DLGAP2: variants seen among roughly 807,000 people sequenced by gnomAD.
DLGAP2 encodes the protein DLG associated protein 2.
A neutral mutation model predicts 100.3 loss-of-function variants in DLGAP2; 26 were observed. That is an observed-to-expected ratio of 0.26 (90% confidence interval 0.19 to 0.36). The LOEUF is 0.36. Ranked by LOEUF, DLGAP2 falls within the 10% of genes least tolerant of loss-of-function variation. DLGAP2 has a pLI of 1.00. For synonymous variants in DLGAP2, 886 were observed against 630.1 expected, an observed-to-expected ratio of 1.41 and a Z score of -6.08; for missense variants, 1,858 against 1,453.2, an observed-to-expected ratio of 1.28 and a Z score of -4.53.
intron 2 of DLGAP2, among the ~76,000 whole-genome samples, chr8:1,052,288 C>T (rs1802741752): frequency 6.6e-6 from 1 of 152,240 alleles, no homozygotes; most frequent in South Asian, 2.1e-4. Flanking sequence ...CTCCTTTCTA[C>T]AAACTCTGAG....
intron 3 of DLGAP2, among the ~76,000 whole-genome samples, chr8:1,322,619 G>A (rs1490578080): frequency 1.3e-5 from 2 of 152,282 alleles, no homozygotes; most frequent in East Asian, 1.9e-4. Context: ...GCTGTCTCCT[G>A]CCTCTGTGAT....
At chr8:1,134,610 A>C (rs1796365660) in intron 2 of DLGAP2, among the ~76,000 whole-genome samples, 1 of 152,244 alleles carries the variant, frequency 6.6e-6, no homozygotes, top group African/African-American at 2.4e-5. Flanking sequence ...CAAATTGAAT[A>C]AACTTGTATA....
intron 3 of DLGAP2, among the ~76,000 whole-genome samples, chr8:1,483,085 C>G (rs1365016682): frequency 1.3e-5 from 2 of 152,122 alleles, no homozygotes; most frequent in South Asian, 4.1e-4. Context: ...AAGGGAGCCC[C>G]GCGGCAGCCT....
intron 2 of DLGAP2, among the ~76,000 whole-genome samples, chr8:1,146,391 C>T (rs958511266): frequency 9.2e-5 from 14 of 152,206 alleles, no homozygotes; most frequent in African/African-American, 3.4e-4. Flanking sequence ...ACGCCTCTTG[C>T]TCTGTGGGAC....
chr8:1,668,341 C>A lies in DLGAP2; in HGVS notation c.1823C>A (p.Thr608Lys), dbSNP rs750898090. The change falls in exon 9 of 15, where the codon ACA (threonine) becomes AAA (lysine). Residue 608 changes from threonine (T) to lysine (K), a missense_variant. Physicochemically the swap from Thr to Lys is moderately conservative, Grantham distance 78. Transcript: ENST00000637795. ...TIRSTAAVSY[T>K]NYKKTPPPVP... ...TCTTTTCTTACAGCTGTCTCATATACAAATTACAAGAAAACGCCCCCACCG... is the reference window on the plus strand; with the variant it reads ...TCTTTTCTTACAGCTGTCTCATATAAAAATTACAAGAAAACGCCCCCACCG... The A allele has an allele frequency of 6.3e-5, 96 of 1,512,906 alleles. No homozygotes were observed. The highest frequency in any genetic ancestry group is 1.8e-4 in the Middle Eastern group (1 of 5,656). The allele number at this position is 1,512,906 out of a possible 1,614,324, so 93.7% of individuals were successfully genotyped here. A position where few individuals can be genotyped will look rare whatever the true frequency, so the allele number is the denominator to read the frequency against.
At chr8:1,343,343 C>T (rs1383785404) in intron 3 of DLGAP2, among the ~76,000 whole-genome samples, 1 of 152,192 alleles carries the variant, frequency 6.6e-6, no homozygotes, top group East Asian at 1.9e-4. Flanking sequence ...CGGTGACATA[C>T]ATAGGACAAG....
rs984317209 is a variant in DLGAP2, at chr8:1,581,787, C to T, written c.1442+15893C>T. On this transcript the variant is annotated intron_variant, in intron 6 of 14. Transcript: ENST00000637795. ...GTCAAACTACCACAAGTGAACGATACAGACAAACCCCCACACACGTCTACA... is the reference window on the plus strand; with the variant it reads ...GTCAAACTACCACAAGTGAACGATATAGACAAACCCCCACACACGTCTACA... Among the ~76,000 whole-genome samples the T allele has an allele frequency of 4.0e-5, 6 of 151,830 alleles. No homozygotes were observed. In the East Asian group the frequency reaches 9.7e-4, roughly 25 times the overall value.
intron 3 of DLGAP2, among the ~76,000 whole-genome samples, chr8:1,423,577 G>T (rs945365999): frequency 1.3e-5 from 2 of 152,236 alleles, no homozygotes; most frequent in Admixed American, 1.3e-4. Context: ...TGAAAAGCAC[G>T]ACTTCCAGGA....
At chr8:1,264,566 A>G (rs1357490801) in intron 3 of DLGAP2, among the ~76,000 whole-genome samples, 1 of 152,158 alleles carries the variant, frequency 6.6e-6, no homozygotes, top group Non-Finnish European at 1.5e-5. Context: ...TTCATAGGAA[A>G]GTTGTTCCAG....
At position 1,482,856 on chromosome 8, in the gene DLGAP2, G is replaced by T. The variant is rs979042818; in HGVS notation, c.107-18510G>T. On this transcript the variant is annotated intron_variant, in intron 3 of 14. Coordinates refer to ENST00000637795, the MANE Select transcript of DLGAP2 (RefSeq NM_001346810.2). Reference sequence around the variant, plus strand: ...GGCTGGACCAGAAGAGGAGGGAGACGCAGGAAGAGATGACAAAGAGAGAAA... The same window carrying T: ...GGCTGGACCAGAAGAGGAGGGAGACTCAGGAAGAGATGACAAAGAGAGAAA... 4.6e-5 allele frequency among the ~76,000 whole-genome samples: 7 copies of T among 152,272 alleles called. No homozygotes were observed. In the South Asian group the frequency reaches 1.2e-3, roughly 27 times the overall value.
rs531506875 is a variant in DLGAP2, at chr8:1,465,599, G to A, written c.107-35767G>A. 2.3e-4 allele frequency among the ~76,000 whole-genome samples: 35 copies of A among 152,306 alleles called. No homozygotes were observed. The Middle Eastern group carries it at 0.014, about 59-fold the overall frequency. On this transcript the variant is annotated intron_variant, in intron 3 of 14. Transcript: ENST00000637795. The stretch of plus-strand genomic sequence containing the variant: ...GGCACCACCCTCCAGGAACCTCCAC[G>A]GGTTCAGGTGTCTGGAAGCTCCACA...
intron 2 of DLGAP2, among the ~76,000 whole-genome samples, chr8:1,011,195 G>T (rs557450785): frequency 2.0e-5 from 3 of 150,544 alleles, no homozygotes; most frequent in Admixed American, 2.0e-4. Flanking sequence ...CTGGAATGAG[G>T]GGTCTCAGTC....
At position 1,705,005 on chromosome 8, in the gene DLGAP2, C is replaced by T. The variant is rs1006757352; in HGVS notation, c.*3599C>T. On this transcript the variant is annotated 3_prime_UTR_variant, in exon 15 of 15. Coordinates refer to ENST00000637795, the MANE Select transcript of DLGAP2 (RefSeq NM_001346810.2). ...CCCTTTCATTAGAAGGCCCTGCATCCGTAAATTCGCGCATCTCTGTTTTTG... is the reference window on the plus strand; with the variant it reads ...CCCTTTCATTAGAAGGCCCTGCATCTGTAAATTCGCGCATCTCTGTTTTTG... 14 of 152,232 alleles carry T rather than the reference C, an allele frequency of 9.2e-5. No homozygotes were observed. The highest frequency in any genetic ancestry group is 4.4e-5 in the Non-Finnish European group (3 of 68,050). 9.4% of individuals were successfully genotyped at this position (152,232 alleles called of 1,614,324 possible).
intron 1 of DLGAP2, among the ~76,000 whole-genome samples, chr8:760,277 T>C (rs985330373): frequency 1.3e-5 from 2 of 152,174 alleles, no homozygotes; most frequent in African/African-American, 4.8e-5. Context: ...GGGGGTTTCT[T>C]TCCTGAAGTC....
At chr8:891,013 C>G (rs1798023299) in intron 1 of DLGAP2, among the ~76,000 whole-genome samples, 1 of 152,086 alleles carries the variant, frequency 6.6e-6, no homozygotes, top group African/African-American at 2.4e-5. Flanking sequence ...AGGGCTGTGT[C>G]CCTGATTCCC....
Position 1,040,483 on chromosome 8 carries a change from G to A in DLGAP2, c.73+132517G>A, listed in dbSNP as rs190789595. 9.5e-5 allele frequency among the ~76,000 whole-genome samples: 14 copies of A among 148,146 alleles called. 1 individual carries two copies. Among genetic ancestry groups the A allele is most frequent in the South Asian group, 2.2e-4 (1 of 4,512 alleles). On this transcript the variant is annotated intron_variant, in intron 2 of 14. Coordinates refer to ENST00000637795, the MANE Select transcript of DLGAP2 (RefSeq NM_001346810.2). ...TCGTCTCGGTGTGCATGGTCGGCTC[G>A]GTTTCCGTGGTCGTCTCGGTGTGCG...
intron 3 of DLGAP2, among the ~76,000 whole-genome samples, chr8:1,345,984 C>G (rs1415881250): frequency 1.3e-5 from 2 of 152,200 alleles, no homozygotes; most frequent in African/African-American, 2.4e-5. Context: ...GAAACAGGGT[C>G]CAGACTCTGG....
At chr8:1,326,566 C>G (rs922524746) in intron 3 of DLGAP2, among the ~76,000 whole-genome samples, 2 of 151,862 alleles carry the variant, frequency 1.3e-5, no homozygotes, top group Non-Finnish European at 2.9e-5. Flanking sequence ...CGCACTCGGT[C>G]TCAGTCCGGG....
rs1306268555 is a variant in DLGAP2, at chr8:1,375,103, C to A, written c.106+116220C>A. Among the ~76,000 whole-genome samples the A allele has an allele frequency of 2.7e-5, 4 of 146,630 alleles. No homozygotes were observed. In the Admixed American group the frequency reaches 2.7e-4, roughly 10 times the overall value. ...TCTCCACGACCTCAGAACTGAGCCC[C>A]CACCTCCTACATTTGGGTTAACGAC... On this transcript the variant is annotated intron_variant, in intron 3 of 14. Coordinates refer to ENST00000637795, the MANE Select transcript of DLGAP2 (RefSeq NM_001346810.2).
Sources: gnomAD v4.1 joint callset for allele counts (sites outside exome capture counted in the v4.1 genomes callset) on GRCh38, gnomAD v4.1.1 for gene constraint, MANE v1.5 for transcripts, NCBI Gene and HGNC (gene_info 2026-07-23, HGNC 2026-07-21) for gene names.